Variants in C4orf50 observed in about 807,000 individuals in gnomAD.
The protein encoded by C4orf50 is chromosome 4 open reading frame 50.
In C4orf50, 80 loss-of-function variants were observed where a neutral mutation model predicts 77.2. The observed-to-expected ratio is 1.04, with a 90% CI of 0.87 to 1.25. C4orf50 has a LOEUF of 1.25. Among genes scored for constraint, C4orf50 ranks in the 50% most tolerant of loss-of-function variants. C4orf50 has a pLI of 0.00. For synonymous variants in C4orf50, 532 were observed against 465.3 expected, an observed-to-expected ratio of 1.14 and a Z score of -1.84; for missense variants, 1,257 against 1,152.9, an observed-to-expected ratio of 1.09 and a Z score of -1.31.
intron 7 of C4orf50, among the ~76,000 whole-genome samples, chr4:5,914,329 T>C (rs963227392): frequency 4.0e-5 from 6 of 148,474 alleles, no homozygotes; most frequent in African/African-American, 1.5e-4. Context: ...CTCAGCCTCC[T>C]GAGTAGCTAG....
chr4:5,983,125 C>T (rs1023840434), intron 28 of C4orf50, among the ~76,000 whole-genome samples: 1 of 152,168 alleles, frequency 6.6e-6, no homozygotes, highest in African/African-American at 2.4e-5. Context: ...AATTCCTCAA[C>T]CCCAGTGTCA....
intron 7 of C4orf50, chr4:5,899,741 C>T (rs1182802188): frequency 2.0e-5 from 3 of 152,220 alleles, no homozygotes; most frequent in African/African-American, 7.2e-5. Context: ...CCCCCAGCTG[C>T]CCATTAGAAT....
Position 5,973,640 on chromosome 4 carries a change from G to C in C4orf50, c.4104+19C>G. On this transcript the variant is annotated intron_variant, in intron 31 of 33. Coordinates refer to ENST00000531445, the Ensembl canonical transcript of C4orf50. Reference sequence around the variant, plus strand: ...CACTCCCATAGGAAGCACAGACAGGGCCATCTCTGGGACTCTACCTCTGGG... The same window carrying C: ...CACTCCCATAGGAAGCACAGACAGGCCCATCTCTGGGACTCTACCTCTGGG... The C allele has an allele frequency of 6.3e-7, 1 of 1,595,614 alleles. No individual in the cohort carries two copies. Among genetic ancestry groups the C allele is most frequent in the Non-Finnish European group, 8.6e-7 (1 of 1,167,202 alleles).
intron 7 of C4orf50, among the ~76,000 whole-genome samples, chr4:5,907,450 G>A (rs1716606330): frequency 6.6e-6 from 1 of 152,142 alleles, no homozygotes; most frequent in African/African-American, 2.4e-5. Context: ...GGTGGGGAGG[G>A]TCATGTAATA....
rs908137196 is a variant in C4orf50, at chr4:5,900,666, C to G, written c.*2475-2478G>C. The G allele has an allele frequency of 6.6e-6, 1 of 152,270 alleles. No individual in the cohort carries two copies. Among genetic ancestry groups the G allele is most frequent in the Non-Finnish European group, 1.5e-5 (1 of 68,052 alleles). The allele number at this position is 152,270 out of a possible 1,614,324, so 9.4% of individuals were successfully genotyped here. A position where few individuals can be genotyped will look rare whatever the true frequency, so the allele number is the denominator to read the frequency against. ...ACGGTTGGAGAATACTGCATAATGA[C>G]ATCCGAACCACGTTCAGTCCCATTT... On this transcript the variant is annotated intron_variant, in intron 7 of 7. Transcript: ENST00000324058. The surrounding 1 kb of genome is among the most constrained non-coding windows in gnomAD (Gnocchi z 4.3).
At chr4:5,945,627 G>A (rs189184271) in intron 7 of C4orf50, among the ~76,000 whole-genome samples, 25 of 152,290 alleles carry the variant, frequency 1.6e-4, no homozygotes, top group African/African-American at 3.1e-4. Flanking sequence ...AGGCCCCAAA[G>A]GGTGAGGCCT....
intron 7 of C4orf50, among the ~76,000 whole-genome samples, chr4:5,936,211 A>C (rs941220152): frequency 7.9e-5 from 12 of 151,382 alleles, no homozygotes; most frequent in Non-Finnish European, 2.9e-5. Context: ...GCTGCAGGAA[A>C]AAAAAAAAAT....
intron 31 of C4orf50, among the ~76,000 whole-genome samples, chr4:5,971,729 T>C (rs1719931015): frequency 6.6e-6 from 1 of 152,260 alleles, no homozygotes; most frequent in South Asian, 2.1e-4. Context: ...ATTCATCAGA[T>C]ACTTCAACCT....
intron 7 of C4orf50, among the ~76,000 whole-genome samples, chr4:5,923,737 T>G (rs1253120706): frequency 6.6e-6 from 1 of 152,088 alleles, no homozygotes; most frequent in Non-Finnish European, 1.5e-5. Context: ...ACATTGAGAG[T>G]TGTCATGGTT....
exon 28 of C4orf50, chr4:5,988,998 C>T (rs1386233511): frequency 6.5e-7 from 1 of 1,536,050 alleles, no homozygotes; most frequent in Admixed American, 2.0e-5. Context: ...CCTCTTCAAG[C>T]TCCAAAATTT....
chr4:5,937,395 A>G (rs1298429763), intron 7 of C4orf50, among the ~76,000 whole-genome samples: 1 of 152,126 alleles, frequency 6.6e-6, no homozygotes, highest in East Asian at 1.9e-4. Flanking sequence ...CCACTAAAAT[A>G]ATGGAAATAT....
chr4:5,920,489 T>C (rs1027109959), intron 7 of C4orf50, among the ~76,000 whole-genome samples: 1 of 150,816 alleles, frequency 6.6e-6, no homozygotes, highest in Non-Finnish European at 1.5e-5. Flanking sequence ...TTTTTTTTTT[T>C]TTTTTGAGAT....
At chr4:5,963,722 T>C (rs1719395832) in intron 33 of C4orf50, among the ~76,000 whole-genome samples, 1 of 152,236 alleles carries the variant, frequency 6.6e-6, no homozygotes, top group South Asian at 2.1e-4. Context: ...TTCTCTTTTT[T>C]ACTGTGAGCA....
At chr4:5,915,629 A>C (rs906072022) in intron 7 of C4orf50, among the ~76,000 whole-genome samples, 3 of 152,260 alleles carry the variant, frequency 2.0e-5, no homozygotes, top group Admixed American at 2.0e-4. Flanking sequence ...AACTGAAGAC[A>C]GTGGTTCTGA....
exon 28 of C4orf50, chr4:5,990,362 C>T (rs549878442): frequency 1.2e-5 from 6 of 505,284 alleles, no homozygotes; most frequent in East Asian, 1.1e-4. Context: ...CTTGCCTTCC[C>T]CTCTTCAGTT....
chr4:5,941,543 T>C (rs1718265410), intron 7 of C4orf50, among the ~76,000 whole-genome samples: 1 of 152,242 alleles, frequency 6.6e-6, no homozygotes, highest in Non-Finnish European at 1.5e-5. Flanking sequence ...CATCTATTTG[T>C]TAAGTATTCA....
At chr4:5,967,581 G>A in intron 31 of C4orf50, 119 bp from the exon 10 acceptor site, 1 of 815,766 alleles carries the variant, frequency 1.2e-6, no homozygotes, top group South Asian at 1.4e-5. Context: ...ACCGCTTTCT[G>A]TGTAGGACCA....
intron 25 of C4orf50, among the ~76,000 whole-genome samples, chr4:5,994,760 G>T (rs1454250687): frequency 1.3e-5 from 2 of 151,940 alleles, no homozygotes; most frequent in Non-Finnish European, 2.9e-5. Flanking sequence ...CAGCCAAGAA[G>T]CACCCAGATC....
At chr4:5,978,404 T>A (rs2108779492) in intron 29 of C4orf50, among the ~76,000 whole-genome samples, 1 of 152,236 alleles carries the variant, frequency 6.6e-6, no homozygotes, top group East Asian at 1.9e-4. Context: ...TAGGAGCAAA[T>A]TAGATTCATC....
Sources: allele counts gnomAD v4.1 joint callset (sites outside exome capture counted in the v4.1 genomes callset), GRCh38; gene constraint gnomAD v4.1.1; non-coding constraint Gnocchi (gnomAD v3.1); transcripts MANE v1.5; gene names NCBI Gene and HGNC (gene_info 2026-07-23, HGNC 2026-07-21).